Variants in HMOX2 observed in about 807,000 individuals in gnomAD.
The protein encoded by HMOX2 is heme oxygenase 2.
HMOX2 carries 30 observed loss-of-function variants against 33.7 expected under a neutral mutation model. The observed-to-expected ratio is 0.89, with a 90% CI of 0.67 to 1.21. The LOEUF (loss-of-function observed/expected upper bound fraction) is 1.21, where lower values mean the gene tolerates loss of function less well. Ranked by LOEUF, HMOX2 falls within the 50% of genes most tolerant of loss-of-function variation. The pLI, the probability that HMOX2 is intolerant of heterozygous loss-of-function variation, is 0.00. For synonymous variants in HMOX2, 155 were observed against 155.0 expected (o/e 1.00, Z 0.00); for missense variants, 403 against 399.1 (o/e 1.01, Z -0.08).
chr16:4,487,608 C>G (rs182438664), intron 1 of HMOX2, among the ~76,000 whole-genome samples: 1 of 151,790 alleles, frequency 6.6e-6, no homozygotes, highest in East Asian at 1.9e-4. Context: ...TCGAGACCAT[C>G]CTGTGAATGG....
chr16:4,475,047 G>T (rs918656533), upstream of HMOX2, among the ~76,000 whole-genome samples: 5 of 151,986 alleles, frequency 3.3e-5, no homozygotes, highest in East Asian at 1.9e-4. Context: ...CGCCCCCCGG[G>T]TTCAAGAGAT....
At chr16:4,504,470 C>G (rs1447447799) in intron 1 of HMOX2, among the ~76,000 whole-genome samples, 3 of 147,182 alleles carry the variant, frequency 2.0e-5, no homozygotes, top group African/African-American at 7.6e-5. Flanking sequence ...AAGTGATTCT[C>G]CTGCCTCAGC....
Position 4,509,418 on chromosome 16 carries a change from A to C in HMOX2, c.703A>C (p.Asn235His), listed in dbSNP as rs772350718. 3.1e-6 allele frequency: 5 copies of C among 1,613,680 alleles called. No homozygotes were observed. The highest frequency in any genetic ancestry group is 4.2e-6 in the Non-Finnish European group (5 of 1,179,948). ...CGATCCTCTGCTCCTGCAGATATTC[A>C]ATGAACTGGACCAGGCCGGCTCCAC... Reference protein sequence around the residue: ...KAFEYNMQIFNELDQAGSTLA... With the variant: ...KAFEYNMQIFHELDQAGSTLA... The change falls in exon 5 of 6, where the codon AAT becomes CAT. Residue 235 changes from asparagine (N) to histidine (H), a missense_variant. By Grantham distance (68) the Asn-to-His change is moderately conservative. Transcript: ENST00000570646.
At chr16:4,495,611 A>G (rs1367339009) in intron 1 of HMOX2, 1 of 152,238 alleles carries the variant, frequency 6.6e-6, no homozygotes, top group Non-Finnish European at 1.5e-5. Flanking sequence ...GGCTTGTCCT[A>G]TGGAGTTACT....
intron 1 of HMOX2, chr16:4,496,346 A>C (rs934356802): frequency 1.3e-5 from 2 of 151,110 alleles, no homozygotes; most frequent in African/African-American, 4.9e-5. Flanking sequence ...CTGCTCTCGA[A>C]CTCCTGACCT....
chr16:4,507,948 A>C lies in HMOX2; in HGVS notation c.440A>C (p.Glu147Ala), dbSNP rs143834831. The C allele has an allele frequency of 1.6e-4, 254 of 1,613,708 alleles. No homozygotes were observed. Among genetic ancestry groups the C allele is most frequent in the Non-Finnish European group, 2.0e-4 (238 of 1,179,926 alleles). ...CACTACATAGGGCAGAACGAGCCGG[A>C]GCTACTGGTGGCCCATGCATACACC... ...RIHYIGQNEPELLVAHAYTRY... is the reference protein window; with the variant it reads ...RIHYIGQNEPALLVAHAYTRY... Residue 147 changes from glutamate to alanine, a missense_variant, in exon 4 of 6, where the codon GAG becomes GCG. Coordinates refer to ENST00000570646, the MANE Select transcript of HMOX2 (RefSeq NM_002134.4).
At chr16:4,491,465 C>T (rs2058303690) in intron 1 of HMOX2, among the ~76,000 whole-genome samples, 1 of 151,962 alleles carries the variant, frequency 6.6e-6, no homozygotes, top group South Asian at 2.1e-4. Context: ...GCCTGGGCAA[C>T]ATGGTGAAAC....
chr16:4,503,378 A>G (rs765172882), intron 1 of HMOX2, among the ~76,000 whole-genome samples: 2 of 152,168 alleles, frequency 1.3e-5, no homozygotes, highest in Non-Finnish European at 2.9e-5. Context: ...AGCCCTCTGC[A>G]TACTCTTCCC....
At chr16:4,483,160 GGTGTGTGTGTGTGTGTGT>G (rs35532266) in intron 1 of HMOX2, among the ~76,000 whole-genome samples, 1,730 of 131,780 alleles carry the variant, frequency 0.013, 45 homozygotes, top group African/African-American at 0.037. Flanking sequence ...TGCAAACCCT[GGTGTGTGTGTGTGTGTGT>G]GTGTGTGTGT....
At chr16:4,503,433 G>A (rs2058609675) in intron 1 of HMOX2, among the ~76,000 whole-genome samples, 1 of 152,154 alleles carries the variant, frequency 6.6e-6, no homozygotes, top group African/African-American at 2.4e-5. Context: ...AGACTGTGCT[G>A]TGCATCGTAC....
chr16:4,492,524 C>T (rs1312194270), intron 1 of HMOX2, among the ~76,000 whole-genome samples: 1 of 150,420 alleles, frequency 6.6e-6, no homozygotes, highest in African/African-American at 2.5e-5. Flanking sequence ...TCGAGACCAT[C>T]CTGGCGAACA....
intron 1 of HMOX2, among the ~76,000 whole-genome samples, chr16:4,486,398 C>G (rs907806240): frequency 1.3e-5 from 2 of 152,206 alleles, no homozygotes; most frequent in Non-Finnish European, 2.9e-5. Context: ...ACTTAACTGG[C>G]TAGTGTGGGT....
At chr16:4,477,044 G>A in intron 1 of HMOX2, among the ~76,000 whole-genome samples, 1 of 152,208 alleles carries the variant, frequency 6.6e-6, no homozygotes, top group East Asian at 1.9e-4. Flanking sequence ...CTGGAGCAGA[G>A]TCGGACTGGG....
intron 1 of HMOX2, among the ~76,000 whole-genome samples, chr16:4,484,661 AT>A (rs1454333138): frequency 3.3e-5 from 5 of 151,584 alleles, no homozygotes; most frequent in African/African-American, 1.2e-4. Context: ...AGGTTTCACC[AT>A]ATTGGCCAGG....
chr16:4,498,389 T>C (rs2141582182), intron 1 of HMOX2, among the ~76,000 whole-genome samples: 1 of 151,112 alleles, frequency 6.6e-6, no homozygotes, highest in South Asian at 2.1e-4. Flanking sequence ...ACTTGCTCTT[T>C]TTTTTTTTTT....
At chr16:4,504,233 C>T (rs1399520920) in intron 1 of HMOX2, among the ~76,000 whole-genome samples, 1 of 152,168 alleles carries the variant, frequency 6.6e-6, no homozygotes, top group Non-Finnish European at 1.5e-5. Flanking sequence ...GGCACCCAGC[C>T]TCTCACAGGT....
intron 1 of HMOX2, among the ~76,000 whole-genome samples, chr16:4,487,605 C>T (rs1214523334): frequency 1.3e-5 from 2 of 151,980 alleles, no homozygotes; most frequent in Non-Finnish European, 2.9e-5. Context: ...AGATCGAGAC[C>T]ATCCTGTGAA....
At chr16:4,479,946 C>T (rs1274809522) in intron 1 of HMOX2, among the ~76,000 whole-genome samples, 2 of 151,644 alleles carry the variant, frequency 1.3e-5, no homozygotes, top group East Asian at 1.9e-4. Flanking sequence ...ACTATGTTGG[C>T]CGGGCTGGTC....
chr16:4,487,895 G>A (rs143874928), intron 1 of HMOX2, among the ~76,000 whole-genome samples: 1,701 of 150,990 alleles, frequency 0.011, 35 homozygotes, highest in African/African-American at 0.039. Context: ...AGGTTGCGGC[G>A]AGGGGAGATC....
Sources: allele counts gnomAD v4.1 joint callset (sites outside exome capture counted in the v4.1 genomes callset), GRCh38; gene constraint gnomAD v4.1.1; transcripts MANE v1.5; gene names NCBI Gene and HGNC (gene_info 2026-07-23, HGNC 2026-07-21).